FAM135B: variants seen among roughly 807,000 people sequenced by gnomAD.
FAM135B encodes protein FAM135B.
A neutral mutation model predicts 127.7 loss-of-function variants in FAM135B; 43 were observed. The ratio of observed to expected loss-of-function variants is 0.34; its 90% CI spans 0.26 to 0.43. The LOEUF is 0.43. FAM135B is among the 20% of genes least tolerant of loss of function. The pLI is 1.00. For synonymous variants in FAM135B, 670 were observed against 665.1 expected (o/e 1.01, Z -0.11); for missense variants, 1,558 against 1,725.6 (o/e 0.90, Z 1.72).
chr8:138,208,442 T>C (rs1047812656), intron 7 of FAM135B, among the ~76,000 whole-genome samples: 2 of 152,226 alleles, frequency 1.3e-5, no homozygotes, highest in African/African-American at 4.8e-5. Flanking sequence ...TATTCCTAAA[T>C]ATTGTTTTCT....
intron 2 of FAM135B, among the ~76,000 whole-genome samples, chr8:138,349,980 C>T (rs1829669312): frequency 6.6e-6 from 1 of 152,002 alleles, no homozygotes; most frequent in African/African-American, 2.4e-5. Context: ...ATTTTTTGTC[C>T]ACAAAAGACC....
At chr8:138,295,295 T>C (rs566355400) in intron 3 of FAM135B, among the ~76,000 whole-genome samples, 71 of 151,984 alleles carry the variant, frequency 4.7e-4, no homozygotes, top group Non-Finnish European at 3.4e-4. Flanking sequence ...ACCCATCATG[T>C]TGGTTCTCTC....
intron 3 of FAM135B, among the ~76,000 whole-genome samples, chr8:138,276,823 C>T (rs1005384253): frequency 1.3e-5 from 2 of 151,982 alleles, no homozygotes; most frequent in African/African-American, 2.4e-5. Context: ...CGAATGCCTG[C>T]CAGGCAGGGC....
At chr8:138,183,620 T>G (rs1220872747) in intron 9 of FAM135B, among the ~76,000 whole-genome samples, 2 of 152,206 alleles carry the variant, frequency 1.3e-5, no homozygotes, top group African/African-American at 4.8e-5. Flanking sequence ...AATACCCCCT[T>G]CATTGAGAAT....
intron 1 of FAM135B, among the ~76,000 whole-genome samples, chr8:138,414,372 T>C (rs1834027731): frequency 6.6e-6 from 1 of 152,078 alleles, no homozygotes; most frequent in South Asian, 2.1e-4. Context: ...GAGAACAACT[T>C]TGAAACATGA....
rs780870533 is a variant in FAM135B at position 138,413,748 on chromosome 8, T to C, written c.-19-45746A>G. ...GACTGGAATAAAAACTCACACTCTT[T>C]CAACCAGTTCCATATTCAGCCTGCA... On this transcript the variant is annotated intron_variant, in intron 1 of 19. Transcript: ENST00000395297. Among the ~76,000 whole-genome samples the C allele has an allele frequency of 9.2e-5, 14 of 152,168 alleles. No homozygotes were observed. The South Asian group carries it at 1.4e-3, about 16-fold the overall frequency.
chr8:138,375,192 T>C (rs1468505154), intron 1 of FAM135B, among the ~76,000 whole-genome samples: 3 of 152,146 alleles, frequency 2.0e-5, no homozygotes, highest in Non-Finnish European at 4.4e-5. Context: ...AATGCATCTA[T>C]GCCCCATTTG....
intron 9 of FAM135B, 55 bp downstream of exon 9, chr8:138,195,203 T>C (rs2131110567): frequency 6.4e-7 from 1 of 1,568,892 alleles, no homozygotes; most frequent in Non-Finnish European, 8.7e-7. Flanking sequence ...CAACTGCATT[T>C]GCCTTGCAAA....
chr8:138,423,316 C>T (rs1003134518), intron 1 of FAM135B, among the ~76,000 whole-genome samples: 4 of 152,086 alleles, frequency 2.6e-5, no homozygotes, highest in African/African-American at 4.8e-5. Context: ...AGGGAGATAT[C>T]GGGGAAAATT....
intron 3 of FAM135B, among the ~76,000 whole-genome samples, chr8:138,287,000 T>A (rs775915739): frequency 6.6e-6 from 1 of 152,214 alleles, no homozygotes; most frequent in Non-Finnish European, 1.5e-5. Context: ...AATATTTACA[T>A]GAGTAGGAAA....
intron 3 of FAM135B, among the ~76,000 whole-genome samples, chr8:138,268,257 T>A (rs985790223): frequency 2.6e-5 from 4 of 152,214 alleles, no homozygotes; most frequent in Non-Finnish European, 5.9e-5. Flanking sequence ...GATGATTTTT[T>A]AATTGTGTTT....
chr8:138,354,281 T>A (rs994534181), intron 2 of FAM135B, among the ~76,000 whole-genome samples: 2 of 152,110 alleles, frequency 1.3e-5, no homozygotes, highest in Non-Finnish European at 2.9e-5. Flanking sequence ...CTCCCTGGAA[T>A]CTGGCTAGCC....
chr8:138,378,817 T>A (rs1018768758), intron 1 of FAM135B, among the ~76,000 whole-genome samples: 2 of 152,020 alleles, frequency 1.3e-5, no homozygotes, highest in African/African-American at 4.8e-5. Flanking sequence ...AGATTCTATG[T>A]CCCCCTTAGC....
chr8:138,301,020 GA>G (rs1563873773), intron 3 of FAM135B, among the ~76,000 whole-genome samples: 1 of 152,036 alleles, frequency 6.6e-6, no homozygotes, highest in Non-Finnish European at 1.5e-5. Flanking sequence ...AAAGTGCTGG[GA>G]TTAAGGCATG....
intron 2 of FAM135B, among the ~76,000 whole-genome samples, chr8:138,349,520 T>A (rs1829641696): frequency 6.6e-6 from 1 of 152,210 alleles, no homozygotes; most frequent in South Asian, 2.1e-4. Flanking sequence ...CAGGATATAG[T>A]AGGGATTAAG....
At position 138,243,205 on chromosome 8, in the gene FAM135B, T is replaced by C. The variant is rs542664367; in HGVS notation, c.543-137A>G. On this transcript the variant is annotated intron_variant, in intron 6 of 19. Transcript: ENST00000395297. This position sits in a 1 kb window ranked among gnomAD's most constrained non-coding sequence, Gnocchi z 7.5. ...GGAGTAGTTCACCCCCTAGGGAGTGTTTGCATGTGACATTTGTGGATATTT... is the reference window on the plus strand; with the variant it reads ...GGAGTAGTTCACCCCCTAGGGAGTGCTTGCATGTGACATTTGTGGATATTT... The C allele has an allele frequency of 3.1e-6, 3 of 968,692 alleles. No individual in the cohort carries two copies. Among genetic ancestry groups the C allele is most frequent in the Non-Finnish European group, 4.4e-6 (3 of 686,430 alleles). 60.0% of individuals were successfully genotyped at this position (968,692 alleles called of 1,614,324 possible). A position where few individuals can be genotyped will look rare whatever the true frequency, so the allele number is the denominator to read the frequency against.
At chr8:138,171,296 A>C (rs1348796995) in intron 11 of FAM135B, among the ~76,000 whole-genome samples, 1 of 152,130 alleles carries the variant, frequency 6.6e-6, no homozygotes, top group Non-Finnish European at 1.5e-5. Context: ...AGTCGGGGAG[A>C]AGTGTTCCAG....
chr8:138,190,789 T>G (rs1816048820), intron 9 of FAM135B, among the ~76,000 whole-genome samples: 1 of 152,186 alleles, frequency 6.6e-6, no homozygotes, highest in Non-Finnish European at 1.5e-5. Flanking sequence ...CCAGACTCCC[T>G]TGTATTGATT....
chr8:138,457,565 A>T (rs1836862750), intron 1 of FAM135B, among the ~76,000 whole-genome samples: 1 of 152,158 alleles, frequency 6.6e-6, no homozygotes, highest in Non-Finnish European at 1.5e-5. Flanking sequence ...GTCACAGGGG[A>T]GCCACTGAAG....
Sources: allele counts gnomAD v4.1 joint callset (sites outside exome capture counted in the v4.1 genomes callset), GRCh38; gene constraint gnomAD v4.1.1; non-coding constraint Gnocchi (gnomAD v3.1); transcripts MANE v1.5; gene names NCBI Gene and HGNC (gene_info 2026-07-23, HGNC 2026-07-21).